The following B3GAT2 variants were observed in gnomAD, a reference collection of about 807,000 sequenced individuals.
The protein encoded by B3GAT2 is beta-1,3-glucuronyltransferase 2.
A neutral mutation model predicts 27.8 loss-of-function variants in B3GAT2; 26 were observed. The observed-to-expected ratio is 0.93, with a 90% CI of 0.68 to 1.30. The LOEUF (loss-of-function observed/expected upper bound fraction) is 1.30. Ranked by LOEUF, B3GAT2 falls within the 50% of genes most tolerant of loss-of-function variation. The probability of loss-of-function intolerance (pLI) is 0.00; values close to 1 mark genes in which losing one functional copy is unlikely to be tolerated. For synonymous variants in B3GAT2, 218 were observed against 195.1 expected (o/e 1.12, Z -0.98); for missense variants, 458 against 459.0 (o/e 1.00, Z 0.02).
At chr6:70,931,171 C>A (rs1400587158) in intron 1 of B3GAT2, among the ~76,000 whole-genome samples, 1 of 152,016 alleles carries the variant, frequency 6.6e-6, no homozygotes, top group Middle Eastern at 3.4e-3. Context: ...ACATCACACA[C>A]TGGGGCCTGT....
At chr6:70,917,007 G>T (rs187225387) in intron 1 of B3GAT2, among the ~76,000 whole-genome samples, 2 of 152,202 alleles carry the variant, frequency 1.3e-5, no homozygotes, top group Non-Finnish European at 2.9e-5. Context: ...GGTAGAATTT[G>T]GCTGTGAGTC....
chr6:70,935,873 T>C (rs548212772), intron 1 of B3GAT2, among the ~76,000 whole-genome samples: 1 of 152,032 alleles, frequency 6.6e-6, no homozygotes, highest in Non-Finnish European at 1.5e-5. Context: ...GCTAACATCA[T>C]AATGACAGGA....
In B3GAT2 at chr6:70,939,457, T is replaced by G. The variant is rs570001064; in HGVS notation, c.591+16382A>C. Among the ~76,000 whole-genome samples, 744 of 151,200 alleles carry G rather than the reference T, an allele frequency of 4.9e-3. 2 individuals carry two copies. Among genetic ancestry groups the G allele is most frequent in the Non-Finnish European group, 8.0e-3 (544 of 67,886 alleles). On this transcript the variant is annotated intron_variant, in intron 1 of 3. Coordinates refer to ENST00000230053, the MANE Select transcript of B3GAT2 (RefSeq NM_080742.3). ...AAAGACACATGCACATGTATGTTTA[T>G]TGCAGCACTATTCACAATAGCAAAG...
intron 1 of B3GAT2, among the ~76,000 whole-genome samples, chr6:70,927,329 T>C (rs949897848): frequency 6.6e-6 from 1 of 152,126 alleles, no homozygotes; most frequent in African/African-American, 2.4e-5. Flanking sequence ...CATAACAATA[T>C]TAACCTTCAA....
intron 1 of B3GAT2, among the ~76,000 whole-genome samples, chr6:70,910,414 A>G (rs1054381190): frequency 1.3e-5 from 2 of 152,186 alleles, no homozygotes; most frequent in African/African-American, 2.4e-5. Flanking sequence ...TATAAGTTAG[A>G]ACATGCAGCA....
intron 1 of B3GAT2, among the ~76,000 whole-genome samples, chr6:70,915,706 T>C (rs905655406): frequency 5.9e-5 from 9 of 152,188 alleles, no homozygotes; most frequent in African/African-American, 2.2e-4. Flanking sequence ...AAATATCAGA[T>C]GGTTGTAGAT....
rs568523416 is a variant in B3GAT2 at position 70,926,146 on chromosome 6, C to T, written c.591+29693G>A. On this transcript the variant is annotated intron_variant, in intron 1 of 3. Coordinates refer to ENST00000230053, the MANE Select transcript of B3GAT2 (RefSeq NM_080742.3). ...CTAGCATCAACATCAACAAAAAGGACATCCACACCAAAACCCCATCTGTAG... is the reference window on the plus strand; with the variant it reads ...CTAGCATCAACATCAACAAAAAGGATATCCACACCAAAACCCCATCTGTAG... 3.0e-4 allele frequency among the ~76,000 whole-genome samples: 46 copies of T among 152,280 alleles called. 1 individual carries two copies. In the East Asian group the frequency reaches 7.5e-3, roughly 25 times the overall value.
At chr6:70,934,125 C>T (rs1773102874) in intron 1 of B3GAT2, among the ~76,000 whole-genome samples, 1 of 152,204 alleles carries the variant, frequency 6.6e-6, no homozygotes, top group Non-Finnish European at 1.5e-5. Context: ...GGCCTAGAGG[C>T]CCCATCTTCC....
At chr6:70,892,956 C>T (rs1338778156) in intron 2 of B3GAT2, among the ~76,000 whole-genome samples, 1 of 152,120 alleles carries the variant, frequency 6.6e-6, no homozygotes, top group Non-Finnish European at 1.5e-5. Context: ...GAACTGAAGA[C>T]CAAAGCAAAC....
Position 70,956,290 on chromosome 6 carries a change from C to A in B3GAT2, c.140G>T (p.Arg47Leu). The change falls in exon 1 of 4, where the codon CGC becomes CTC. Residue 47 changes from arginine (R) to leucine (L), a missense_variant. Physicochemically the swap from Arg to Leu is moderately radical, Grantham distance 102. Coordinates refer to ENST00000230053, the MANE Select transcript of B3GAT2 (RefSeq NM_080742.3). Reference sequence around the variant, plus strand: ...GCGGAGCGGGAGTCGGGCGCCCCCGCGGCCCACCGCGTAGGGAGAGAAGTA... The same window carrying A: ...GCGGAGCGGGAGTCGGGCGCCCCCGAGGCCCACCGCGTAGGGAGAGAAGTA... ...RPYFSPYAVG[R>L]GGARLPLRRG... is the part of the protein sequence containing the mutation. 1 of 1,601,508 alleles carries A rather than the reference C, an allele frequency of 6.2e-7. No individual in the cohort carries two copies. Among genetic ancestry groups the A allele is most frequent in the Non-Finnish European group, 8.5e-7 (1 of 1,173,740 alleles).
chr6:70,876,754 G>C (rs1772020863), intron 2 of B3GAT2, among the ~76,000 whole-genome samples: 1 of 151,976 alleles, frequency 6.6e-6, no homozygotes, highest in Non-Finnish European at 1.5e-5. Context: ...TTCAGTATTG[G>C]TAACACAATA....
At chr6:70,929,481 G>A (rs1340901625) in intron 1 of B3GAT2, among the ~76,000 whole-genome samples, 1 of 152,182 alleles carries the variant, frequency 6.6e-6, no homozygotes, top group East Asian at 1.9e-4. Context: ...TCCTTAAGCT[G>A]ATAAGCAACT....
At chr6:70,955,557 G>T (rs2150054875) in intron 1 of B3GAT2, among the ~76,000 whole-genome samples, 1 of 152,118 alleles carries the variant, frequency 6.6e-6, no homozygotes, top group South Asian at 2.1e-4. Context: ...CCTCACACCT[G>T]TGCTATTCTC....
chr6:70,937,854 G>A (rs1224305609), intron 1 of B3GAT2, among the ~76,000 whole-genome samples: 1 of 152,166 alleles, frequency 6.6e-6, no homozygotes, highest in African/African-American at 2.4e-5. Context: ...AGACAGGGAT[G>A]CCCTCTCTCA....
chr6:70,867,150 G>A lies in B3GAT2; in HGVS notation c.737-5172C>T, dbSNP rs9360428. On this transcript the variant is annotated intron_variant, in intron 2 of 3. Coordinates refer to ENST00000230053, the MANE Select transcript of B3GAT2 (RefSeq NM_080742.3). ...ATGAAAACAAGACATATCAAAATGT[G>A]TAGGATACATCTAAAGGAGTGTTTA... Among the ~76,000 whole-genome samples the A allele has an allele frequency of 1.2e-4, 18 of 152,242 alleles. 1 individual carries two copies. The East Asian group carries it at 3.3e-3, about 28-fold the overall frequency.
At chr6:70,893,613 G>A (rs1173399484) in intron 2 of B3GAT2, among the ~76,000 whole-genome samples, 2 of 152,012 alleles carry the variant, frequency 1.3e-5, no homozygotes, top group Non-Finnish European at 1.5e-5. Flanking sequence ...ATAAATTCTT[G>A]AAATACCAGA....
In B3GAT2 at chr6:70,860,420, A is replaced by AT. The variant is rs111506165; in HGVS notation, c.*1242dup. ...AGTTCCCCTGTTTATTCATATGCAT[A>AT]TTTTTTTTCTTTTTACCCATTTGTT... On this transcript the variant is annotated 3_prime_UTR_variant, in exon 4 of 4. Transcript: ENST00000230053. 5.9e-3 allele frequency: 8,748 copies of AT among 1,478,012 alleles called. 464 individuals carry two copies. In the African/African-American group the frequency reaches 0.11, roughly 18 times the overall value. 91.6% of individuals were successfully genotyped at this position (1,478,012 alleles called of 1,614,324 possible). A position where few individuals can be genotyped will look rare whatever the true frequency, so the allele number is the denominator to read the frequency against.
chr6:70,864,734 C>T (rs1304414421), intron 2 of B3GAT2, among the ~76,000 whole-genome samples: 2 of 152,194 alleles, frequency 1.3e-5, no homozygotes, highest in African/African-American at 2.4e-5. Context: ...TTAAAGAGTT[C>T]TCCCCTCTGA....
intron 1 of B3GAT2, among the ~76,000 whole-genome samples, chr6:70,922,214 C>A (rs1363902770): frequency 6.6e-6 from 1 of 152,030 alleles, no homozygotes; most frequent in Non-Finnish European, 1.5e-5. Context: ...TTTCAAAATA[C>A]ATAAAATAAA....
Sources: gnomAD v4.1 joint callset for allele counts (sites outside exome capture counted in the v4.1 genomes callset) on GRCh38, gnomAD v4.1.1 for gene constraint, MANE v1.5 for transcripts, NCBI Gene and HGNC (gene_info 2026-07-23, HGNC 2026-07-21) for gene names.